EXOC4: variants seen among roughly 807,000 people sequenced by gnomAD.
EXOC4 encodes SEC8-like 1.
EXOC4 carries 71 observed loss-of-function variants against 107.2 expected under a neutral mutation model. The observed-to-expected ratio is 0.66, with a 90% confidence interval of 0.55 to 0.81. The LOEUF (loss-of-function observed/expected upper bound fraction) is 0.81. EXOC4 is among the 30% of genes least tolerant of loss of function. The pLI, the probability that EXOC4 is intolerant of heterozygous loss-of-function variation, is 0.00. For synonymous variants in EXOC4, 456 were observed against 441.2 expected (o/e 1.03, Z -0.42); for missense variants, 1,108 against 1,189.6 (o/e 0.93, Z 1.01).
chr7:134,006,506 G>C (rs1207956955), intron 16 of EXOC4, among the ~76,000 whole-genome samples: 1 of 152,182 alleles, frequency 6.6e-6, no homozygotes, highest in Non-Finnish European at 1.5e-5. Flanking sequence ...AATGTTGTTT[G>C]AGTGTAGCTG....
chr7:133,379,720 A>G (rs1796571675), intron 7 of EXOC4, among the ~76,000 whole-genome samples: 1 of 151,942 alleles, frequency 6.6e-6, no homozygotes, highest in South Asian at 2.1e-4. Context: ...ATCTGTTAGG[A>G]TCCTATTTAG....
At chr7:133,597,265 C>T (rs978435234) in intron 9 of EXOC4, among the ~76,000 whole-genome samples, 3 of 152,118 alleles carry the variant, frequency 2.0e-5, no homozygotes, top group African/African-American at 4.8e-5. Flanking sequence ...TGCATAGAAT[C>T]CTTGGAGGCT....
At chr7:133,950,093 A>G (rs1800655563) in intron 14 of EXOC4, among the ~76,000 whole-genome samples, 1 of 152,228 alleles carries the variant, frequency 6.6e-6, no homozygotes, top group African/African-American at 2.4e-5. Flanking sequence ...GTGTATGGCA[A>G]AGATGAGGTA....
At chr7:133,799,764 A>G (rs1471746008) in intron 10 of EXOC4, among the ~76,000 whole-genome samples, 1 of 152,238 alleles carries the variant, frequency 6.6e-6, no homozygotes, top group African/African-American at 2.4e-5. Context: ...GGTGAAATAT[A>G]GGGTGGGTAG....
intron 9 of EXOC4, among the ~76,000 whole-genome samples, chr7:133,583,495 G>T (rs1442501677): frequency 6.6e-6 from 1 of 152,176 alleles, no homozygotes; most frequent in Non-Finnish European, 1.5e-5. Flanking sequence ...GCAAGATTTT[G>T]CAGGAGAAAG....
At chr7:133,890,581 A>G (rs1799184953) in intron 11 of EXOC4, among the ~76,000 whole-genome samples, 1 of 129,402 alleles carries the variant, frequency 7.7e-6, no homozygotes. Context: ...TCTTTAATCC[A>G]TCTTGAATTG....
At chr7:133,938,731 C>T (rs1158167659) in intron 14 of EXOC4, among the ~76,000 whole-genome samples, 1 of 152,162 alleles carries the variant, frequency 6.6e-6, no homozygotes, top group Non-Finnish European at 1.5e-5. Flanking sequence ...AGCATTACTT[C>T]AGGAGTATGT....
intron 10 of EXOC4, among the ~76,000 whole-genome samples, chr7:133,680,781 C>T (rs934550795): frequency 2.0e-5 from 3 of 152,064 alleles, no homozygotes; most frequent in Non-Finnish European, 2.9e-5. Flanking sequence ...ATACATCAAA[C>T]GAAGCAAAGA....
intron 7 of EXOC4, among the ~76,000 whole-genome samples, chr7:133,408,340 ATGG>A (rs1197948670): frequency 6.8e-6 from 1 of 146,386 alleles, no homozygotes; most frequent in Non-Finnish European, 1.5e-5. Flanking sequence ...TGGGGTGGTG[ATGG>A]TGGGGTGGAT....
chr7:133,450,180 A>AT (rs942302233), intron 7 of EXOC4, among the ~76,000 whole-genome samples: 52 of 149,444 alleles, frequency 3.5e-4, no homozygotes, highest in African/African-American at 6.9e-4. Context: ...GGTTATTATT[A>AT]TTTTTTTTTT....
At chr7:133,280,629 T>A (rs1243536477) in intron 2 of EXOC4, among the ~76,000 whole-genome samples, 1 of 152,220 alleles carries the variant, frequency 6.6e-6, no homozygotes, top group Non-Finnish European at 1.5e-5. Context: ...AATCTCATTT[T>A]TTTTGCCTAT....
At chr7:133,464,024 TATC>T (rs1798657416) in intron 7 of EXOC4, among the ~76,000 whole-genome samples, 2 of 152,192 alleles carry the variant, frequency 1.3e-5, no homozygotes, top group Admixed American at 6.5e-5. Flanking sequence ...AGAGAGGTAA[TATC>T]ATAGATATAT....
At chr7:133,791,339 A>G (rs1180669701) in intron 10 of EXOC4, among the ~76,000 whole-genome samples, 1 of 152,210 alleles carries the variant, frequency 6.6e-6, no homozygotes, top group Non-Finnish European at 1.5e-5. Context: ...TTGGAGTTAT[A>G]TCAACTCAAA....
chr7:134,074,695 A>T, the EXOC4 span, among the ~76,000 whole-genome samples: 1 of 152,196 alleles, frequency 6.6e-6, no homozygotes, highest in African/African-American at 2.4e-5. Flanking sequence ...CAGGTGAATC[A>T]TGCTGTTAGA....
intron 9 of EXOC4, among the ~76,000 whole-genome samples, chr7:133,619,597 G>A (rs1214824571): frequency 1.3e-5 from 2 of 152,172 alleles, no homozygotes; most frequent in Non-Finnish European, 2.9e-5. Context: ...AATGAGATGG[G>A]CTCACCTGAT....
intron 7 of EXOC4, among the ~76,000 whole-genome samples, chr7:133,427,255 T>A (rs1477032312): frequency 6.6e-6 from 1 of 152,208 alleles, no homozygotes; most frequent in Non-Finnish European, 1.5e-5. Context: ...TAGGCTGTGC[T>A]GCTCGACTCC....
At chr7:133,271,131 G>T (rs1432020398) in intron 1 of EXOC4, among the ~76,000 whole-genome samples, 2 of 151,880 alleles carry the variant, frequency 1.3e-5, no homozygotes, top group Non-Finnish European at 2.9e-5. Flanking sequence ...TATTGGCCAG[G>T]CTGGTCTCGA....
intron 6 of EXOC4, among the ~76,000 whole-genome samples, chr7:133,369,695 T>C (rs1796321879): frequency 6.6e-6 from 1 of 152,090 alleles, no homozygotes; most frequent in Admixed American, 6.6e-5. Flanking sequence ...AGTATCATTC[T>C]CTCTGCTGAG....
chr7:133,451,876 T>TG (rs879570790), intron 7 of EXOC4, among the ~76,000 whole-genome samples: 1 of 152,146 alleles, frequency 6.6e-6, no homozygotes, highest in Non-Finnish European at 1.5e-5. Context: ...TGATTTTGAG[T>TG]TGGAAACACA....
Sources: allele counts gnomAD v4.1 joint callset (sites outside exome capture counted in the v4.1 genomes callset), GRCh38; gene constraint gnomAD v4.1.1; transcripts MANE v1.5; gene names NCBI Gene and HGNC (gene_info 2026-07-23, HGNC 2026-07-21).